CEACAM8: variants seen among roughly 807,000 people sequenced by gnomAD.
The protein encoded by CEACAM8 is CEA cell adhesion molecule 8.
A neutral mutation model predicts 33.4 loss-of-function variants in CEACAM8; 31 were observed. The observed-to-expected ratio is 0.93, with a 90% confidence interval of 0.70 to 1.25. The LOEUF (loss-of-function observed/expected upper bound fraction) is 1.25, where lower values mean the gene tolerates loss of function less well. Among genes scored for constraint, CEACAM8 ranks in the 50% most tolerant of loss-of-function variants. The pLI is 0.00. For synonymous variants in CEACAM8, 138 were observed against 164.5 expected, an observed-to-expected ratio of 0.84 and a Z score of 1.23; for missense variants, 388 against 434.6, an observed-to-expected ratio of 0.89 and a Z score of 0.95.
intron 4 of CEACAM8, among the ~76,000 whole-genome samples, chr19:42,585,252 C>T (rs1379758987): frequency 6.7e-6 from 1 of 149,152 alleles, no homozygotes; most frequent in Non-Finnish European, 1.5e-5. Context: ...GAGTTTTGAT[C>T]GCACCTCTGC....
Position 42,593,637 on chromosome 19 carries a change from G to T in CEACAM8, c.328C>A (p.Arg110=), listed in dbSNP as rs201132231. 1 of 1,613,828 alleles carries T rather than the reference G, an allele frequency of 6.2e-7. No homozygotes were observed. The highest frequency in any genetic ancestry group is 1.7e-5 in the Admixed American group (1 of 59,980). ...CCTGTGTCATTTCTGGTGACGTTCC[G>T]CATCAGCAGGGATGCATTGGGGTAT... ...TIYPNASLLM[R]NVTRNDTGSY... Residue 110 remains arginine (R), a synonymous_variant, in exon 2 of 6, where the codon CGG becomes AGG. Coordinates refer to ENST00000244336, the MANE Select transcript of CEACAM8 (RefSeq NM_001816.4).
intron 4 of CEACAM8, among the ~76,000 whole-genome samples, chr19:42,585,330 C>A (rs367807293): frequency 4.9e-3 from 500 of 102,380 alleles, no homozygotes; most frequent in African/African-American, 8.7e-3. Flanking sequence ...AAAAAAAAAA[C>A]AAACAAAAAA....
intron 2 of CEACAM8, among the ~76,000 whole-genome samples, chr19:42,590,685 C>T (rs1479858892): frequency 6.6e-6 from 1 of 152,130 alleles, no homozygotes; most frequent in Non-Finnish European, 1.5e-5. Context: ...ACTGACAGGA[C>T]AGATACTGTA....
In CEACAM8 at chr19:42,589,025, G is replaced by A. The variant is rs775288224; in HGVS notation, c.717C>T (p.Ala239=). ...VTLNVLYGPD[A]PTISPSDTYY... is the part of the protein sequence containing the mutation. ...AGGTGTCTGAAGGGGAAATGGTGGG[G>A]GCATCTGGGCCATCTAGAGCAAAAG... The change falls in exon 4 of 6, where the codon GCC becomes GCT. Residue 239 remains alanine (A), a synonymous_variant. Transcript: ENST00000244336. 6.2e-7 allele frequency: 1 copy of A among 1,613,324 alleles called. No individual in the cohort carries two copies. Among genetic ancestry groups the A allele is most frequent in the South Asian group, 1.1e-5 (1 of 91,042 alleles).
At chr19:42,588,749 A>G (rs1407366335) in intron 4 of CEACAM8, 35 bp downstream of exon 4, 26 of 1,610,810 alleles carry the variant, frequency 1.6e-5, no homozygotes, top group Non-Finnish European at 2.2e-5. Flanking sequence ...ACTCTACCAG[A>G]AAACATACTG....
At chr19:42,593,399 G>T in intron 2 of CEACAM8, 142 bp downstream of exon 2, 1 of 1,051,342 alleles carries the variant, frequency 9.5e-7, no homozygotes, top group Non-Finnish European at 1.4e-6. Context: ...TGTCTCCCCT[G>T]AGTGTGTCCT....
In CEACAM8 at chr19:42,588,990, G is replaced by A. The variant is rs758670651; in HGVS notation, c.752C>T (p.Ala251Val). ...GCAGGAGAGGTTGAGATTTACCCCTGCATGGTAATAGGTGTCTGAAGGGGA... is the reference window on the plus strand; with the variant it reads ...GCAGGAGAGGTTGAGATTTACCCCTACATGGTAATAGGTGTCTGAAGGGGA... ...TISPSDTYYH[A>V]GVNLNLSCHA... Residue 251 changes from alanine to valine, a missense_variant, in exon 4 of 6, where the codon GCA becomes GTA. Transcript: ENST00000244336. 1 of 1,614,156 alleles carries A rather than the reference G, an allele frequency of 6.2e-7. No individual in the cohort carries two copies. The highest frequency in any genetic ancestry group is 2.2e-5 in the East Asian group (1 of 44,888).
intron 4 of CEACAM8, among the ~76,000 whole-genome samples, chr19:42,584,776 T>C (rs1374843480): frequency 4.6e-5 from 7 of 152,226 alleles, no homozygotes; most frequent in Non-Finnish European, 8.8e-5. Context: ...ACAACCTAAT[T>C]TGCAACTTCA....
At position 42,581,041 on chromosome 19, in the gene CEACAM8, C is replaced by A. The variant is rs1473795444; in HGVS notation, c.*353G>T. 1 of 145,260 alleles carries A rather than the reference C, an allele frequency of 6.9e-6. No homozygotes were observed. The highest frequency in any genetic ancestry group is 2.6e-5 in the African/African-American group (1 of 38,866). 9.0% of individuals were successfully genotyped at this position (145,260 alleles called of 1,614,324 possible). ...CTTGCAGTGAGTTGAGATCGTGCCA[C>A]TGCACTCCAGCCTGGGCGACAGAGC... On this transcript the variant is annotated 3_prime_UTR_variant, in exon 6 of 6. Coordinates refer to ENST00000244336, the MANE Select transcript of CEACAM8 (RefSeq NM_001816.4).
At chr19:42,583,401 G>C (rs1256952082) in intron 4 of CEACAM8, 64 bp from the exon 5 acceptor site, 6 of 1,041,100 alleles carry the variant, frequency 5.8e-6, no homozygotes, top group African/African-American at 1.6e-5. Flanking sequence ...GGGTACCCCA[G>C]GAACCAGCTC....
intron 1 of CEACAM8, 74 bp downstream of exon 1, chr19:42,594,691 C>T (rs1251768035): frequency 3.6e-5 from 44 of 1,227,116 alleles, no homozygotes; most frequent in African/African-American, 7.5e-5. Context: ...CTCAGAGCCC[C>T]GTCCTCCCCA....
At chr19:42,592,638 T>G (rs989248512) in intron 2 of CEACAM8, among the ~76,000 whole-genome samples, 5 of 151,580 alleles carry the variant, frequency 3.3e-5, no homozygotes, top group African/African-American at 9.7e-5. Flanking sequence ...AAAGAATTAT[T>G]ATTTCTTTCT....
At chr19:42,582,662 G>C (rs540219969) in intron 5 of CEACAM8, among the ~76,000 whole-genome samples, 1 of 152,126 alleles carries the variant, frequency 6.6e-6, no homozygotes, top group African/African-American at 2.4e-5. Context: ...GGGTAGATGC[G>C]CAGGGAAGTG....
In CEACAM8 at chr19:42,580,543, T is replaced by G. The variant is rs1158433134; in HGVS notation, c.*851A>C. 6.6e-6 allele frequency: 1 copy of G among 152,244 alleles called. No homozygotes were observed. The highest frequency in any genetic ancestry group is 1.5e-5 in the Non-Finnish European group (1 of 68,042). 9.4% of individuals were successfully genotyped at this position (152,244 alleles called of 1,614,324 possible). On this transcript the variant is annotated 3_prime_UTR_variant, in exon 6 of 6. Transcript: ENST00000244336. ...TGGTAATATAACCAATGTTTTAAAC[T>G]ATATCCCATTATAAAGACAGCAGAT... is the stretch of plus-strand genomic sequence containing the variant.
At chr19:42,590,322 G>A (rs559542792) in intron 2 of CEACAM8, among the ~76,000 whole-genome samples, 20 of 152,314 alleles carry the variant, frequency 1.3e-4, no homozygotes, top group African/African-American at 4.1e-4. Context: ...GTGTTTCATC[G>A]TGACTTACTT....
At chr19:42,592,237 G>A (rs549156881) in intron 2 of CEACAM8, among the ~76,000 whole-genome samples, 1 of 152,116 alleles carries the variant, frequency 6.6e-6, no homozygotes, top group Admixed American at 6.5e-5. Flanking sequence ...TCTATCCCTC[G>A]TGTTTGTGTG....
chr19:42,581,849 C>T (rs1402522100), intron 5 of CEACAM8, among the ~76,000 whole-genome samples: 2 of 128,906 alleles, frequency 1.6e-5, no homozygotes, highest in Non-Finnish European at 3.1e-5. Context: ...GAGATTGTGC[C>T]ACTGCACTCC....
rs746094290 is a variant in CEACAM8, at chr19:42,593,778, G to T, written c.187C>A (p.Arg63Ser). 3.1e-6 allele frequency: 5 copies of T among 1,614,060 alleles called. No individual in the cohort carries two copies. The highest frequency in any genetic ancestry group is 4.2e-6 in the Non-Finnish European group (5 of 1,180,010). The change falls in exon 2 of 6, where the codon CGT becomes AGT. Residue 63 changes from arginine (R) to serine (S), a missense_variant. Transcript: ENST00000244336. The part of the protein sequence containing the change: ...LLVHNLPQDP[R>S]GYNWYKGETV... ...TCCCCTTTGTACCAGTTGTAGCCACGAGGGTCCTGGGGCAGATTGTGGACA... is the reference window on the plus strand; with the variant it reads ...TCCCCTTTGTACCAGTTGTAGCCACTAGGGTCCTGGGGCAGATTGTGGACA...
At chr19:42,583,041 T>A in intron 5 of CEACAM8, 165 bp downstream of exon 5, 1 of 574,326 alleles carries the variant, frequency 1.7e-6, no homozygotes, top group Non-Finnish European at 3.1e-6. Flanking sequence ...GACAGTGGGG[T>A]ACAGGGAGCA....
Sources: gnomAD v4.1 joint callset for allele counts (sites outside exome capture counted in the v4.1 genomes callset) on GRCh38, gnomAD v4.1.1 for gene constraint, MANE v1.5 for transcripts, NCBI Gene and HGNC (gene_info 2026-07-23, HGNC 2026-07-21) for gene names.